EXOC6: variants seen among roughly 807,000 people sequenced by gnomAD.
EXOC6 encodes the protein SEC15-like 1.
EXOC6 carries 60 observed loss-of-function variants against 112.5 expected under a neutral mutation model. The ratio of observed to expected loss-of-function variants is 0.53; its 90% CI spans 0.43 to 0.66. EXOC6 has a LOEUF of 0.66. EXOC6 is among the 30% of genes least tolerant of loss of function. The pLI is 0.00. For missense variants in EXOC6, 855 were observed against 957.1 expected, an observed-to-expected ratio of 0.89 and a Z score of 1.41; for synonymous variants, 295 against 308.0, an observed-to-expected ratio of 0.96 and a Z score of 0.44.
intron 16 of EXOC6, among the ~76,000 whole-genome samples, chr10:92,955,199 G>A (rs1346126891): frequency 6.6e-6 from 1 of 151,858 alleles, no homozygotes; most frequent in Non-Finnish European, 1.5e-5. Flanking sequence ...AAAAATGAGG[G>A]AAAAGGGTTC....
At chr10:93,052,591 A>G (rs549794931) in intron 20 of EXOC6, among the ~76,000 whole-genome samples, 1 of 152,344 alleles carries the variant, frequency 6.6e-6, no homozygotes, top group East Asian at 1.9e-4. Flanking sequence ...AAAACTTGGA[A>G]TACTAATTTC....
intron 19 of EXOC6, among the ~76,000 whole-genome samples, chr10:93,010,914 A>G (rs1246665459): frequency 6.6e-6 from 1 of 152,188 alleles, no homozygotes; most frequent in Non-Finnish European, 1.5e-5. Context: ...ATAAATTTAT[A>G]GTATCATTAA....
chr10:92,977,587 GTTAAA>G (rs1430545651), intron 18 of EXOC6, among the ~76,000 whole-genome samples: 2 of 152,018 alleles, frequency 1.3e-5, no homozygotes, highest in South Asian at 2.1e-4. Flanking sequence ...CTAAATGATT[GTTAAA>G]TTAATTTGAA....
Position 92,862,341 on chromosome 10 carries a change from A to G in EXOC6, c.101+13707A>G, listed in dbSNP as rs898523514. Among the ~76,000 whole-genome samples, 28 of 148,648 alleles carry G rather than the reference A, an allele frequency of 1.9e-4. No individual in the cohort carries two copies. The South Asian group carries it at 2.0e-3, about 10-fold the overall frequency. On this transcript the variant is annotated intron_variant, in intron 1 of 21. Transcript: ENST00000260762. Reference sequence around the variant, plus strand: ...GTCTGAAGTTTCATGCCCCCCCCCCATAATTCATATGTTAAAACCTAAATC... The same window carrying G: ...GTCTGAAGTTTCATGCCCCCCCCCCGTAATTCATATGTTAAAACCTAAATC...
rs1317033782 is a variant in EXOC6, at chr10:92,935,805, C to T, written c.1141-9C>T. On this transcript the variant is annotated splice_polypyrimidine_tract_variant and intron_variant, in intron 11 of 21. Coordinates refer to ENST00000260762, the MANE Select transcript of EXOC6 (RefSeq NM_019053.6). ...GTGTTTTGTTTTGTTTGTGTGTTTC[C>T]ACCCTCAGTCCTATTGCACTGATCC... 4 of 1,594,400 alleles carry T rather than the reference C, an allele frequency of 2.5e-6. No homozygotes were observed. The highest frequency in any genetic ancestry group is 2.2e-5 in the South Asian group (2 of 89,522).
chr10:92,838,494 G>A lies in EXOC6; in HGVS notation c.86+3670G>A, dbSNP rs113214192. Among the ~76,000 whole-genome samples the A allele has an allele frequency of 8.7e-3, 1,318 of 152,254 alleles. 11 individuals carry two copies. The highest frequency in any genetic ancestry group is 0.012 in the Non-Finnish European group (833 of 68,028). ...GTTTTCATTTTGTGTGTGAAATGGT[G>A]TTTAAGGCCCATAGCATTAAGTTTG... On this transcript the variant is annotated intron_variant, in intron 1 of 21. Transcript: ENST00000371552.
At chr10:92,888,029 AGGAGAGAGTT>A (rs1456981730) in intron 1 of EXOC6, among the ~76,000 whole-genome samples, 1 of 152,220 alleles carries the variant, frequency 6.6e-6, no homozygotes, top group East Asian at 1.9e-4. Flanking sequence ...ATCTAGGGTC[AGGAGAGAGTT>A]GGGACAGCCT....
At chr10:92,919,475 T>C (rs1851307415) in intron 7 of EXOC6, among the ~76,000 whole-genome samples, 1 of 152,144 alleles carries the variant, frequency 6.6e-6, no homozygotes, top group Admixed American at 6.6e-5. Flanking sequence ...AGGATACATC[T>C]TAAAGATGAT....
intron 20 of EXOC6, among the ~76,000 whole-genome samples, chr10:93,020,575 C>T (rs975400051): frequency 6.6e-6 from 1 of 152,066 alleles, no homozygotes; most frequent in African/African-American, 2.4e-5. Flanking sequence ...GGCCTAGCTT[C>T]GAGGGCCCAT....
upstream of EXOC6, among the ~76,000 whole-genome samples, chr10:92,834,317 T>C (rs1449005453): frequency 1.3e-5 from 2 of 152,180 alleles, no homozygotes; most frequent in East Asian, 3.9e-4. Flanking sequence ...TAACTAGGAA[T>C]GTAGCTTTAG....
Position 92,970,724 on chromosome 10 carries a change from G to C in EXOC6, c.1774-3329G>C, listed in dbSNP as rs140512874. Among the ~76,000 whole-genome samples, 335 of 152,298 alleles carry C rather than the reference G, an allele frequency of 2.2e-3. 1 individual carries two copies. The highest frequency in any genetic ancestry group is 0.014 in the Middle Eastern group (4 of 294). ...AGCTTTGTGTTGAATCACTGAATGGGGAGAGAAGAAATATCTTCGAATTCT... is the reference window on the plus strand; with the variant it reads ...AGCTTTGTGTTGAATCACTGAATGGCGAGAGAAGAAATATCTTCGAATTCT... On this transcript the variant is annotated intron_variant, in intron 17 of 21. Coordinates refer to ENST00000260762, the MANE Select transcript of EXOC6 (RefSeq NM_019053.6).
rs568755147 is a variant in EXOC6 at position 92,879,020 on chromosome 10, T to A, written c.102-14329T>A. Among the ~76,000 whole-genome samples, 282 of 152,348 alleles carry A rather than the reference T, an allele frequency of 1.9e-3. 3 individuals are homozygous for A. The highest frequency in any genetic ancestry group is 6.6e-3 in the African/African-American group (276 of 41,582). On this transcript the variant is annotated intron_variant, in intron 1 of 21. Transcript: ENST00000260762. ...TATATTTGCAGATGGCTTTCATTTT[T>A]AAAATTTTCTGCAGTTTAGTAAAGT...
chr10:92,904,850 T>G (rs1016428659), intron 5 of EXOC6, among the ~76,000 whole-genome samples: 4 of 152,096 alleles, frequency 2.6e-5, no homozygotes, highest in African/African-American at 9.7e-5. Flanking sequence ...TGCTTTGGTG[T>G]TTCTAAAAAC....
intron 20 of EXOC6, among the ~76,000 whole-genome samples, chr10:93,016,875 CG>C (rs2134244805): frequency 6.6e-6 from 1 of 151,452 alleles, no homozygotes; most frequent in Non-Finnish European, 1.5e-5. Flanking sequence ...TGCAGTGGCG[CG>C]ATCTTGGCTC....
In EXOC6 at chr10:92,883,702, G is replaced by C. The variant is rs926646221; in HGVS notation, c.102-9647G>C. ...GGAAGAATAAAGAATGCGCAGAAGA[G>C]TGTGAAAGCAATTTTTTATTGATAG... On this transcript the variant is annotated intron_variant, in intron 1 of 21. Transcript: ENST00000260762. Among the ~76,000 whole-genome samples, 8 of 152,136 alleles carry C rather than the reference G, an allele frequency of 5.3e-5. No individual in the cohort carries two copies. In the East Asian group the frequency reaches 1.5e-3, roughly 29 times the overall value.
At chr10:93,050,482 A>G (rs1846227150) in intron 20 of EXOC6, among the ~76,000 whole-genome samples, 1 of 151,718 alleles carries the variant, frequency 6.6e-6, no homozygotes, top group African/African-American at 2.4e-5. Flanking sequence ...ACCTGAGGCC[A>G]GGTGCGGTGG....
intron 18 of EXOC6, among the ~76,000 whole-genome samples, chr10:92,989,665 A>T (rs1408731675): frequency 1.3e-5 from 2 of 152,198 alleles, no homozygotes. Flanking sequence ...TCGATATAAT[A>T]ATCATTGAGT....
At position 92,974,168 on chromosome 10, in the gene EXOC6, G is replaced by C; in HGVS notation, c.1889G>C (p.Ser630Thr). Residue 630 changes from serine (S) to threonine (T), a missense_variant, in exon 18 of 22, where the codon AGT (serine) becomes ACT (threonine). Physicochemically the swap from Ser to Thr is moderately conservative, Grantham distance 58. Transcript: ENST00000260762. ...WTMSEPDGRA[S>T]GYLMDLINFL... ...ATGTCTGAGCCAGATGGAAGAGCTAGTGGTTATTTAATGGACCTTATAAAT... is the reference window on the plus strand; with the variant it reads ...ATGTCTGAGCCAGATGGAAGAGCTACTGGTTATTTAATGGACCTTATAAAT... 6.3e-7 allele frequency: 1 copy of C among 1,599,126 alleles called. No individual in the cohort carries two copies. The highest frequency in any genetic ancestry group is 8.5e-7 in the Non-Finnish European group (1 of 1,176,792).
intron 17 of EXOC6, among the ~76,000 whole-genome samples, chr10:92,971,445 G>C (rs1842294076): frequency 6.6e-6 from 1 of 151,502 alleles, no homozygotes; most frequent in South Asian, 2.1e-4. Context: ...CACCATCTTG[G>C]CTCACTGTAA....
Sources: allele counts gnomAD v4.1 joint callset (sites outside exome capture counted in the v4.1 genomes callset), GRCh38; gene constraint gnomAD v4.1.1; transcripts MANE v1.5; gene names NCBI Gene and HGNC (gene_info 2026-07-23, HGNC 2026-07-21).